ANKRD36: variants seen among roughly 807,000 people sequenced by gnomAD.
ANKRD36 encodes the protein ankyrin repeat domain 36.
A neutral mutation model predicts 278.1 loss-of-function variants in ANKRD36; 179 were observed. The observed-to-expected ratio is 0.64, with a 90% CI of 0.57 to 0.73. The LOEUF is 0.73. Ranked by LOEUF, ANKRD36 falls within the 30% of genes least tolerant of loss-of-function variation. ANKRD36 has a pLI of 0.00. For missense variants in ANKRD36, 1,159 were observed against 1,956.7 expected (o/e 0.59, Z 7.69); for synonymous variants, 320 against 641.1 (o/e 0.50, Z 7.57).
At chr2:97,131,933 C>T (rs1574676292) in intron 6 of ANKRD36, among the ~76,000 whole-genome samples, 1 of 151,284 alleles carries the variant, frequency 6.6e-6, no homozygotes, top group African/African-American at 2.4e-5. Flanking sequence ...GGTTCAAGCG[C>T]TTCTCCTGCT....
chr2:97,200,447 A>T lies in ANKRD36; in HGVS notation c.2785-6A>T. On this transcript the variant is annotated splice_polypyrimidine_tract_variant and splice_region_variant and intron_variant, in intron 45 of 75. Transcript: ENST00000420699. ...TATTTATTACTTTGTTTCAAATTCC[A>T]TTCAGGCCACAAGTGATGAGAAGGA... 6.3e-7 allele frequency: 1 copy of T among 1,596,830 alleles called. No homozygotes were observed. Among genetic ancestry groups the T allele is most frequent in the Non-Finnish European group, 8.5e-7 (1 of 1,176,284 alleles).
chr2:97,209,990 G>C (rs577454398), intron 56 of ANKRD36, 118 bp downstream of exon 56: 6 of 1,414,454 alleles, frequency 4.2e-6, no homozygotes, highest in Non-Finnish European at 5.6e-6. Context: ...GCAGTCCTGA[G>C]ATTCTTCATT....
chr2:97,187,284 T>A (rs2057615897), intron 31 of ANKRD36, 45 bp from the exon 32 acceptor site: 5 of 1,599,016 alleles, frequency 3.1e-6, no homozygotes, highest in Non-Finnish European at 8.5e-7. Flanking sequence ...TGAAATATAC[T>A]TCATTGATTT....
intron 3 of ANKRD36, among the ~76,000 whole-genome samples, chr2:97,121,896 T>G (rs1472783152): frequency 2.0e-5 from 3 of 149,478 alleles, no homozygotes; most frequent in Non-Finnish European, 4.5e-5. Flanking sequence ...CCTAAGATTG[T>G]AATTGAGAAT....
At chr2:97,147,075 C>A (rs912049860) in intron 11 of ANKRD36, among the ~76,000 whole-genome samples, 1 of 151,798 alleles carries the variant, frequency 6.6e-6, no homozygotes, top group East Asian at 2.0e-4. Context: ...GTAAGCAAGA[C>A]TAGGCCAGTC....
chr2:97,189,376 T>TGGGG, intron 34 of ANKRD36, 86 bp downstream of exon 34: 6 of 414,708 alleles, frequency 1.4e-5, no homozygotes, highest in African/African-American at 3.6e-5. Flanking sequence ...GGAGGGTGGG[T>TGGGG]GGGGGGCTCG....
At position 97,142,751 on chromosome 2, in the gene ANKRD36, A is replaced by C. The variant is rs753998370; in HGVS notation, c.829-12A>C. ...TTTATGTATTGATTATTTTGTTTCA[A>C]ATCCCACTCAGGCTACAAGTGGCAA... is the stretch of plus-strand genomic sequence containing the variant. On this transcript the variant is annotated splice_polypyrimidine_tract_variant and intron_variant, in intron 7 of 75. Coordinates refer to ENST00000420699, the MANE Select transcript of ANKRD36 (RefSeq NM_001354587.1). 6.2e-7 allele frequency: 1 copy of C among 1,602,936 alleles called. No homozygotes were observed. Among genetic ancestry groups the C allele is most frequent in the South Asian group, 1.1e-5 (1 of 90,240 alleles).
chr2:97,207,648 G>A (rs1425632726), intron 52 of ANKRD36, among the ~76,000 whole-genome samples, 163 bp from the exon 53 acceptor site: 1 of 151,492 alleles, frequency 6.6e-6, no homozygotes, highest in South Asian at 2.1e-4. Flanking sequence ...CATTTTCTCA[G>A]CGTATTTCTG....
chr2:97,175,560 C>G (rs1559486152), intron 22 of ANKRD36, among the ~76,000 whole-genome samples: 1 of 151,562 alleles, frequency 6.6e-6, no homozygotes, highest in Non-Finnish European at 1.5e-5. Context: ...TTTTGTTGAT[C>G]CTTTCAAAAA....
At chr2:97,137,975 T>C (rs1326719728) in intron 6 of ANKRD36, among the ~76,000 whole-genome samples, 1 of 152,154 alleles carries the variant, frequency 6.6e-6, no homozygotes, top group African/African-American at 2.4e-5. Flanking sequence ...TGTAAATTTA[T>C]TTAAGTTCCT....
chr2:97,136,838 A>T (rs565672334), intron 6 of ANKRD36, among the ~76,000 whole-genome samples: 23 of 152,036 alleles, frequency 1.5e-4, no homozygotes, highest in Non-Finnish European at 3.2e-4. Flanking sequence ...TCTACTAATG[A>T]TGCCATTTTC....
chr2:97,205,571 C>T (rs1558767659), intron 50 of ANKRD36, among the ~76,000 whole-genome samples: 1 of 151,546 alleles, frequency 6.6e-6, no homozygotes, highest in Non-Finnish European at 1.5e-5. Context: ...GTGTGAAAGA[C>T]ATGTGGGATC....
At chr2:97,178,910 G>A (rs1202314298) in intron 22 of ANKRD36, among the ~76,000 whole-genome samples, 2 of 151,586 alleles carry the variant, frequency 1.3e-5, no homozygotes, top group Non-Finnish European at 2.9e-5. Context: ...AAATAATGTT[G>A]AATTCATTAC....
intron 66 of ANKRD36, among the ~76,000 whole-genome samples, chr2:97,220,542 C>G (rs1274625555): frequency 1.3e-5 from 2 of 151,348 alleles, no homozygotes; most frequent in African/African-American, 4.9e-5. Context: ...TCCTCCTGTT[C>G]CATCCATGTC....
chr2:97,200,616 C>T, intron 46 of ANKRD36, 91 bp downstream of exon 46: 2 of 1,513,044 alleles, frequency 1.3e-6, no homozygotes, highest in African/African-American at 1.4e-5. Context: ...GTTGAAGCTG[C>T]ACGTTCTGAT....
intron 42 of ANKRD36, among the ~76,000 whole-genome samples, chr2:97,197,199 A>G (rs1374096673): frequency 2.0e-5 from 3 of 151,930 alleles, no homozygotes; most frequent in African/African-American, 7.2e-5. Flanking sequence ...CTGTAGGAGA[A>G]CTAAGGAGAC....
intron 30 of ANKRD36, among the ~76,000 whole-genome samples, chr2:97,186,711 G>A (rs1326342381): frequency 6.6e-6 from 1 of 151,868 alleles, no homozygotes; most frequent in East Asian, 1.9e-4. Context: ...GACATAATGT[G>A]TACATTCAAC....
Position 97,187,341 on chromosome 2 carries a change from G to A in ANKRD36, c.2083G>A (p.Glu695Lys), listed in dbSNP as rs1486827381. The A allele has an allele frequency of 7.5e-6, 12 of 1,607,610 alleles. No individual in the cohort carries two copies. The highest frequency in any genetic ancestry group is 1.3e-5 in the African/African-American group (1 of 74,570). Residue 695 changes from glutamate (E) to lysine (K), a missense_variant, in exon 32 of 76, where the codon GAG becomes AAG. Physicochemically the swap from Glu to Lys is moderately conservative, Grantham distance 56. Transcript: ENST00000420699. Reference sequence around the variant, plus strand: ...AAATTCCATTCAGGCTACAACTGACGAGGAAGACTCTGTTTCGAATATAGC... The same window carrying A: ...AAATTCCATTCAGGCTACAACTGACAAGGAAGACTCTGTTTCGAATATAGC... The part of the protein sequence containing the change: ...KQPALKATTD[E>K]EDSVSNIATE...
intron 26 of ANKRD36, 86 bp downstream of exon 26, chr2:97,181,879 T>C (rs1430340970): frequency 1.5e-5 from 15 of 1,029,474 alleles, no homozygotes; most frequent in Non-Finnish European, 1.7e-5. Flanking sequence ...AGGGGATTCA[T>C]TGAAGCTGCA....
Sources: gnomAD v4.1 joint callset for allele counts (sites outside exome capture counted in the v4.1 genomes callset) on GRCh38, gnomAD v4.1.1 for gene constraint, MANE v1.5 for transcripts, NCBI Gene and HGNC (gene_info 2026-07-23, HGNC 2026-07-21) for gene names.